The following ITSN1 variants were observed in gnomAD, a reference collection of about 807,000 sequenced individuals.
ITSN1 encodes intersectin-1.
A neutral mutation model predicts 239.8 loss-of-function variants in ITSN1; 58 were observed. That is an observed-to-expected ratio of 0.24 (90% CI 0.20 to 0.30). ITSN1 has a LOEUF of 0.30. ITSN1 is among the 10% of genes least tolerant of loss of function. The probability of loss-of-function intolerance (pLI) is 1.00; values close to 1 mark genes in which losing one functional copy is unlikely to be tolerated. For missense variants in ITSN1, 1,558 were observed against 2,103.3 expected (o/e 0.74, Z 5.07); for synonymous variants, 780 against 770.8 (o/e 1.01, Z -0.20).
At chr21:33,681,524 G>A (rs1359695815) in intron 1 of ITSN1, among the ~76,000 whole-genome samples, 1 of 151,768 alleles carries the variant, frequency 6.6e-6, no homozygotes, top group Non-Finnish European at 1.5e-5. Context: ...ACTCCAGCCT[G>A]GGCGACAGAG....
Position 33,750,414 on chromosome 21 carries a change from G to A in ITSN1, c.526+92G>A, listed in dbSNP as rs1389038606. ...TATTTTCTCTTCACGTTCTGATTAT[G>A]TTTAAATGATATTTTAGTCCAGAGG... On this transcript the variant is annotated intron_variant, in intron 6 of 39. Transcript: ENST00000381318. 5.1e-6 allele frequency: 6 copies of A among 1,173,866 alleles called. No homozygotes were observed. The Admixed American group carries it at 1.1e-4, about 21-fold the overall frequency. 72.7% of individuals were successfully genotyped at this position (1,173,866 alleles called of 1,614,324 possible).
At chr21:33,642,905 C>T (rs1388671548) in intron 1 of ITSN1, among the ~76,000 whole-genome samples, 192 bp downstream of exon 1, 6 of 151,314 alleles carry the variant, frequency 4.0e-5, no homozygotes, top group Non-Finnish European at 7.4e-5. Flanking sequence ...CTTGTCCTTC[C>T]CGTCCTCGGG....
chr21:33,823,517 C>G lies in ITSN1; in HGVS notation c.3047C>G (p.Ser1016Cys). Residue 1016 changes from serine (S) to cysteine (C), a missense_variant, in exon 25 of 40, where the codon TCT (serine) becomes TGT (cysteine). Transcript: ENST00000381318. ...ATTGCCATGTACACTTACGAGAGTT[C>G]TGAGCAAGGAGATTTAACCTTTCAG... is the stretch of plus-strand genomic sequence containing the variant. ...EFIAMYTYESSEQGDLTFQQG... is the reference protein window; with the variant it reads ...EFIAMYTYESCEQGDLTFQQG... The G allele has an allele frequency of 6.2e-7, 1 of 1,614,054 alleles. No homozygotes were observed. Among genetic ancestry groups the G allele is most frequent in the Non-Finnish European group, 8.5e-7 (1 of 1,179,932 alleles).
intron 1 of ITSN1, among the ~76,000 whole-genome samples, chr21:33,705,381 A>AT (rs2092210721): frequency 6.6e-6 from 1 of 151,990 alleles, no homozygotes; most frequent in Non-Finnish European, 1.5e-5. Flanking sequence ...TAAAACCTAC[A>AT]TTTTTTCTTT....
intron 4 of ITSN1, among the ~76,000 whole-genome samples, chr21:33,725,126 T>G (rs1474786545): frequency 4.2e-4 from 52 of 124,986 alleles, no homozygotes; most frequent in Non-Finnish European, 7.0e-4. Flanking sequence ...AAAAATTTTT[T>G]TTTTTTGTTT....
chr21:33,761,982 A>G lies in ITSN1; in HGVS notation c.784A>G (p.Ile262Val), dbSNP rs558812785. 29 of 1,611,474 alleles carry G rather than the reference A, an allele frequency of 1.8e-5. No individual in the cohort carries two copies. In the Admixed American group the frequency reaches 2.5e-4, roughly 14 times the overall value. ...TTTACCACAGGCTCAGCTGGCTTCA[A>G]TATGGTAAGGAATGAAAAGTTCTTT... ...SSLPQAQLAS[I>V]WNLSDIDQDG... Residue 262 changes from isoleucine to valine, a missense_variant, in exon 9 of 40, where the codon ATA becomes GTA. By Grantham distance (29) the Ile-to-Val change is conservative (BLOSUM62 3). This residue lies in a region of ITSN1 where 982 missense variants were observed against 1,209.9 expected (regional missense o/e 0.81). Coordinates refer to ENST00000381318, the MANE Select transcript of ITSN1 (RefSeq NM_003024.3).
At chr21:33,662,599 T>A (rs1184846343) in intron 1 of ITSN1, among the ~76,000 whole-genome samples, 2 of 152,184 alleles carry the variant, frequency 1.3e-5, no homozygotes, top group Non-Finnish European at 2.9e-5. Flanking sequence ...ATTTTCCTAA[T>A]CAGGAAGGTT....
chr21:33,658,345 T>C (rs2089265179), intron 1 of ITSN1, among the ~76,000 whole-genome samples: 1 of 152,104 alleles, frequency 6.6e-6, no homozygotes, highest in Non-Finnish European at 1.5e-5. Context: ...TTAAAACTCA[T>C]GTTATTCAAG....
chr21:33,722,776 T>G (rs747258800), intron 4 of ITSN1, 125 bp downstream of exon 4: 3 of 866,068 alleles, frequency 3.5e-6, no homozygotes, highest in Non-Finnish European at 4.8e-6. Flanking sequence ...GCCTGAAATA[T>G]CTTGTTACTT....
chr21:33,721,092 T>C, intron 2 of ITSN1, 86 bp from the exon 3 acceptor site: 3 of 835,288 alleles, frequency 3.6e-6, no homozygotes, highest in Non-Finnish European at 6.2e-6. Flanking sequence ...TGACAGAATC[T>C]TGAAGTGCTG....
intron 29 of ITSN1, among the ~76,000 whole-genome samples, chr21:33,843,918 A>G (rs1370435469): frequency 3.3e-5 from 5 of 152,238 alleles, no homozygotes; most frequent in African/African-American, 1.2e-4. Context: ...TTTATTGGAG[A>G]GAAAAGGCAT....
intron 18 of ITSN1, among the ~76,000 whole-genome samples, chr21:33,799,605 C>G (rs1451044924): frequency 6.6e-6 from 1 of 151,418 alleles, no homozygotes; most frequent in Non-Finnish European, 1.5e-5. Context: ...CTAATGAACT[C>G]TCTCATGGGT....
intron 1 of ITSN1, among the ~76,000 whole-genome samples, chr21:33,668,646 T>C (rs1220627358): frequency 6.6e-6 from 1 of 152,242 alleles, no homozygotes; most frequent in Non-Finnish European, 1.5e-5. Context: ...GGCCTTCTGA[T>C]ACTTTCTTCT....
chr21:33,814,326 G>A (rs1423288562), intron 22 of ITSN1: 2 of 468,438 alleles, frequency 4.3e-6, no homozygotes, highest in Non-Finnish European at 7.7e-6. Context: ...TGGCACTTGA[G>A]CTGCATCTTG....
rs751501653 is a variant in ITSN1 at position 33,888,211 on chromosome 21, G to A, written c.5077G>A (p.Gly1693Ser). The A allele has an allele frequency of 2.5e-6, 4 of 1,614,130 alleles. No individual in the cohort carries two copies. The highest frequency in any genetic ancestry group is 3.4e-6 in the Non-Finnish European group (4 of 1,180,022). Residue 1693 changes from glycine to serine, a missense_variant, in exon 40 of 40, where the codon GGT becomes AGT. Around this residue, in one of 2 missense-constraint regions of ITSN1, gnomAD observed 576 missense variants for 893.3 expected, o/e 0.64. Coordinates refer to ENST00000381318, the MANE Select transcript of ITSN1 (RefSeq NM_003024.3). ...CATCAAGAAAGACCAGGGCTCCAAA[G>A]GTCCAGTTACGAAGTGTCTTCTGCT... ...ADIKKDQGSK[G>S]PVTKCLLLHE... is the part of the protein sequence containing the mutation.
At chr21:33,771,952 CTGGGTT>C in intron 11 of ITSN1, 103 bp from the exon 12 acceptor site, 1 of 1,242,602 alleles carries the variant, frequency 8.0e-7, no homozygotes, top group East Asian at 2.5e-5. Flanking sequence ...TTAGGGAGTT[CTGGGTT>C]TGGGTTTGTA....
At position 33,892,985 on chromosome 21, in the gene ITSN1, G is replaced by C. The variant is rs1008311242; in HGVS notation, c.*4685G>C. The C allele has an allele frequency of 6.6e-6, 1 of 152,256 alleles. No individual in the cohort carries two copies. Among genetic ancestry groups the C allele is most frequent in the Non-Finnish European group, 1.5e-5 (1 of 68,078 alleles). The allele number at this position is 152,256 out of a possible 1,614,324, so 9.4% of individuals were successfully genotyped here. A position where few individuals can be genotyped will look rare whatever the true frequency, so the allele number is the denominator to read the frequency against. On this transcript the variant is annotated 3_prime_UTR_variant, in exon 40 of 40. Transcript: ENST00000381318. ...CAGGCTTTAGAGGAGCCTGATGAGA[G>C]CTATCCTGGGGGCCAAGGGATGCAT...
intron 31 of ITSN1, among the ~76,000 whole-genome samples, chr21:33,861,843 G>A (rs1288540123): frequency 1.3e-5 from 2 of 151,966 alleles, no homozygotes; most frequent in Admixed American, 1.3e-4. Flanking sequence ...CTACTCGGGA[G>A]GCTGAGGCAG....
intron 1 of ITSN1, among the ~76,000 whole-genome samples, chr21:33,703,475 ATACT>A (rs1250893554): frequency 2.0e-5 from 3 of 152,236 alleles, no homozygotes; most frequent in Non-Finnish European, 4.4e-5. Context: ...TCATTGCTTA[ATACT>A]TAGTCTCTAT....
Sources: allele counts gnomAD v4.1 joint callset (sites outside exome capture counted in the v4.1 genomes callset), GRCh38; gene constraint gnomAD v4.1.1; regional missense constraint gnomAD v4.1.1; transcripts MANE v1.5; gene names NCBI Gene and HGNC (gene_info 2026-07-23, HGNC 2026-07-21).